Variants in PAPSS2 observed in about 807,000 individuals in gnomAD.
PAPSS2 encodes the protein 3'-phosphoadenosine 5'-phosphosulfate synthase 2, also known as bifunctional 3'-phosphoadenosine 5'-phosphosulfate synthase 2.
Under a neutral mutation model 66.5 loss-of-function variants are expected in PAPSS2, and 61 were observed. The observed-to-expected ratio is 0.92, with a 90% CI of 0.75 to 1.14. The LOEUF (loss-of-function observed/expected upper bound fraction) is 1.14. PAPSS2 is among the 50% of genes most tolerant of loss of function. The probability of loss-of-function intolerance (pLI) is 0.00; values close to 1 mark genes in which losing one functional copy is unlikely to be tolerated. For synonymous variants in PAPSS2, 289 were observed against 287.5 expected (o/e 1.01, Z -0.05); for missense variants, 708 against 789.6 (o/e 0.90, Z 1.24).
rs373197434 is a variant in PAPSS2 at position 87,702,727 on chromosome 10, A to T, written c.28-6469A>T. On this transcript the variant is annotated intron_variant, in intron 1 of 12. Coordinates refer to ENST00000456849, the MANE Select transcript of PAPSS2 (RefSeq NM_001015880.2). Reference sequence around the variant, plus strand: ...CACGTGCTTGTTTTTTTTAATTGAGACATTATGAACATCTCAGAACAAAAG... The same window carrying T: ...CACGTGCTTGTTTTTTTTAATTGAGTCATTATGAACATCTCAGAACAAAAG... Among the ~76,000 whole-genome samples the T allele has an allele frequency of 5.3e-5, 8 of 152,084 alleles. No individual in the cohort carries two copies. The East Asian group carries it at 1.5e-3, about 29-fold the overall frequency.
intron 1 of PAPSS2, chr10:87,703,636 C>CT: frequency 2.2e-6 from 1 of 463,348 alleles, no homozygotes. Context: ...TAATAACTTG[C>CT]TCCAGGTCAC....
chr10:87,717,451 G>T (rs1049873535), intron 7 of PAPSS2, among the ~76,000 whole-genome samples: 2 of 152,062 alleles, frequency 1.3e-5, no homozygotes, highest in Admixed American at 1.3e-4. Context: ...CTTCAGGGTG[G>T]GCTAACAAAA....
At chr10:87,672,807 T>C (rs1359443284) in intron 1 of PAPSS2, among the ~76,000 whole-genome samples, 1 of 152,234 alleles carries the variant, frequency 6.6e-6, no homozygotes, top group African/African-American at 2.4e-5. Flanking sequence ...TTGGTAGGCC[T>C]ATAAGCTAGG....
intron 1 of PAPSS2, among the ~76,000 whole-genome samples, chr10:87,693,819 G>T (rs1036935441): frequency 6.6e-6 from 1 of 152,166 alleles, no homozygotes; most frequent in Admixed American, 6.5e-5. Flanking sequence ...ATGGTAGTTC[G>T]TTCTTTTAAA....
intron 9 of PAPSS2, among the ~76,000 whole-genome samples, chr10:87,736,002 C>T (rs2131726331): frequency 6.6e-6 from 1 of 152,290 alleles, no homozygotes; most frequent in South Asian, 2.1e-4. Flanking sequence ...CTCTCACTCA[C>T]TCTTGCCTCC....
intron 11 of PAPSS2, among the ~76,000 whole-genome samples, chr10:87,744,013 A>G (rs1242728219): frequency 1.3e-5 from 2 of 152,140 alleles, no homozygotes; most frequent in African/African-American, 2.4e-5. Context: ...GAGGCAGGAG[A>G]ATCGCTTGAA....
At chr10:87,703,889 C>G (rs1853349999) in intron 1 of PAPSS2, 2 of 510,714 alleles carry the variant, frequency 3.9e-6, no homozygotes, top group Non-Finnish European at 7.8e-6. Flanking sequence ...TCTGTGTGTT[C>G]TCTATGTACA....
At chr10:87,693,759 A>G (rs1483564153) in intron 1 of PAPSS2, among the ~76,000 whole-genome samples, 1 of 152,246 alleles carries the variant, frequency 6.6e-6, no homozygotes, top group African/African-American at 2.4e-5. Flanking sequence ...ACAACAGCAC[A>G]TAATTATTTG....
At chr10:87,727,724 G>A (rs1218712924) in intron 9 of PAPSS2, among the ~76,000 whole-genome samples, 1 of 152,202 alleles carries the variant, frequency 6.6e-6, no homozygotes, top group African/African-American at 2.4e-5. Flanking sequence ...AGATTCTGCA[G>A]TGGCTGGCAT....
intron 10 of PAPSS2, among the ~76,000 whole-genome samples, chr10:87,743,051 G>A (rs946378003): frequency 6.6e-6 from 1 of 152,132 alleles, no homozygotes; most frequent in Admixed American, 6.5e-5. Context: ...TTCGAGACCA[G>A]CCTGGCCAAC....
chr10:87,699,412 T>G (rs1853274862), intron 1 of PAPSS2, among the ~76,000 whole-genome samples: 1 of 152,228 alleles, frequency 6.6e-6, no homozygotes, highest in Admixed American at 6.5e-5. Flanking sequence ...CCTCTCCAGT[T>G]GCTGGGATTA....
chr10:87,727,351 AG>A lies in PAPSS2; in HGVS notation c.951del (p.Cys318AlafsTer13). The A allele has an allele frequency of 6.2e-7, 1 of 1,614,116 alleles. No homozygotes were observed. Among genetic ancestry groups the A allele is most frequent in the South Asian group, 1.1e-5 (1 of 91,078 alleles). Reference protein sequence around the residue: ...VSAEDKTRLEGCSKFVLAHGG... With the variant: ...VSAEDKTRLEXCSKFVLAHGG... ...CTGCAGAGGATAAGACACGGCTGGA[AG>A]GGTGCAGCAAGTTTGTCCTGGCACA... On this transcript the variant is annotated frameshift_variant, in exon 9 of 13. Coordinates refer to ENST00000456849, the MANE Select transcript of PAPSS2 (RefSeq NM_001015880.2). LOFTEE classifies it high-confidence loss of function.
chr10:87,681,763 T>G lies in PAPSS2; in HGVS notation c.27+21755T>G, dbSNP rs757131400. Among the ~76,000 whole-genome samples the G allele has an allele frequency of 3.7e-4, 57 of 152,188 alleles. 1 individual carries two copies. The highest frequency in any genetic ancestry group is 3.7e-4 in the Non-Finnish European group (25 of 68,014). ...ACTTTCTGTCTCCTGATAGTTTCCTTTTTTGGATGTTTCTTATAAATGGAA... is the reference window on the plus strand; with the variant it reads ...ACTTTCTGTCTCCTGATAGTTTCCTGTTTTGGATGTTTCTTATAAATGGAA... On this transcript the variant is annotated intron_variant, in intron 1 of 12. Coordinates refer to ENST00000456849, the MANE Select transcript of PAPSS2 (RefSeq NM_001015880.2).
chr10:87,716,649 G>C (rs188784559), intron 7 of PAPSS2, among the ~76,000 whole-genome samples: 4 of 152,126 alleles, frequency 2.6e-5, no homozygotes, highest in Non-Finnish European at 5.9e-5. Context: ...TTTTGGGAGA[G>C]GTGTTCATGT....
chr10:87,695,713 G>A (rs1239527024), intron 1 of PAPSS2, among the ~76,000 whole-genome samples: 1 of 152,206 alleles, frequency 6.6e-6, no homozygotes. Flanking sequence ...TCAACAGGAT[G>A]TGCGGATACA....
chr10:87,687,207 C>A (rs1399633105), intron 1 of PAPSS2, among the ~76,000 whole-genome samples: 2 of 152,034 alleles, frequency 1.3e-5, no homozygotes, highest in Non-Finnish European at 2.9e-5. Context: ...ATCCCCACAG[C>A]CCCAAGTACA....
intron 9 of PAPSS2, among the ~76,000 whole-genome samples, chr10:87,729,440 G>C (rs1853701596): frequency 6.6e-6 from 1 of 152,050 alleles, no homozygotes; most frequent in Non-Finnish European, 1.5e-5. Flanking sequence ...TATTGTAATT[G>C]TTTTGGGACA....
At chr10:87,704,056 C>T (rs777300607) in intron 1 of PAPSS2, 6 of 494,784 alleles carry the variant, frequency 1.2e-5, no homozygotes, top group South Asian at 8.8e-5. Context: ...TTTTTGGCCA[C>T]TCTGCCCCCT....
intron 10 of PAPSS2, among the ~76,000 whole-genome samples, chr10:87,743,144 G>T (rs1241895765): frequency 6.6e-6 from 1 of 152,000 alleles, no homozygotes; most frequent in Non-Finnish European, 1.5e-5. Context: ...TACTCAGGAG[G>T]CTGAGGCAGG....
Sources: gnomAD v4.1 joint callset for allele counts (sites outside exome capture counted in the v4.1 genomes callset) on GRCh38, gnomAD v4.1.1 for gene constraint, MANE v1.5 for transcripts, NCBI Gene and HGNC (gene_info 2026-07-23, HGNC 2026-07-21) for gene names.